ARHGAP28: variants seen among roughly 807,000 people sequenced by gnomAD.
ARHGAP28 encodes Rho GTPase activating protein 28.
ARHGAP28 carries 56 observed loss-of-function variants against 90.7 expected under a neutral mutation model. The observed-to-expected ratio is 0.62, with a 90% CI of 0.50 to 0.77. ARHGAP28 has a LOEUF of 0.77. Ranked by LOEUF, ARHGAP28 falls within the 30% of genes least tolerant of loss-of-function variation. The pLI is 0.00. For synonymous variants in ARHGAP28, 308 were observed against 323.3 expected (o/e 0.95, Z 0.51); for missense variants, 869 against 900.9 (o/e 0.96, Z 0.45).
intron 2 of ARHGAP28, among the ~76,000 whole-genome samples, chr18:6,829,000 T>C (rs1022945466): frequency 6.6e-6 from 1 of 152,216 alleles, no homozygotes; most frequent in African/African-American, 2.4e-5. Context: ...TGAGTCTCTT[T>C]CTCAGGACTA....
chr18:6,813,237 A>G (rs928940934), intron 1 of ARHGAP28, among the ~76,000 whole-genome samples: 1 of 152,220 alleles, frequency 6.6e-6, no homozygotes, highest in Non-Finnish European at 1.5e-5. Flanking sequence ...AAGAAACTCC[A>G]TGCATTCTAA....
intron 10 of ARHGAP28, among the ~76,000 whole-genome samples, chr18:6,877,385 C>A (rs1464395392): frequency 6.6e-6 from 1 of 152,212 alleles, no homozygotes; most frequent in Non-Finnish European, 1.5e-5. Flanking sequence ...AATTCCTAAC[C>A]ATGGAGGAGC....
At chr18:6,762,976 G>A (rs1380646257) in intron 1 of ARHGAP28, among the ~76,000 whole-genome samples, 1 of 152,158 alleles carries the variant, frequency 6.6e-6, no homozygotes, top group African/African-American at 2.4e-5. Context: ...TCTGGGCCAG[G>A]CCAGGTGCCC....
chr18:6,795,949 C>G (rs1361874438), intron 1 of ARHGAP28, among the ~76,000 whole-genome samples: 1 of 152,208 alleles, frequency 6.6e-6, no homozygotes, highest in Admixed American at 6.5e-5. Context: ...AACATTGGAA[C>G]CTAAATCAAA....
chr18:6,788,187 A>G (rs961588792), intron 1 of ARHGAP28, among the ~76,000 whole-genome samples: 5 of 152,086 alleles, frequency 3.3e-5, no homozygotes, highest in Non-Finnish European at 5.9e-5. Flanking sequence ...GTTACTGTAT[A>G]GTGAGTGAGT....
chr18:6,752,943 G>A (rs1199575549), intron 1 of ARHGAP28, among the ~76,000 whole-genome samples: 1 of 52,616 alleles, frequency 1.9e-5, no homozygotes, highest in East Asian at 9.3e-4. Context: ...CCCACTAATT[G>A]GCAATACTTT....
chr18:6,859,754 C>A, intron 4 of ARHGAP28, 54 bp from the exon 5 acceptor site: 1 of 1,521,228 alleles, frequency 6.6e-7, no homozygotes, highest in Non-Finnish European at 9.1e-7. Context: ...AATACACAAA[C>A]ACATTAGAAA....
intron 1 of ARHGAP28, among the ~76,000 whole-genome samples, chr18:6,787,383 A>G (rs1194794872): frequency 1.3e-5 from 2 of 151,998 alleles, no homozygotes; most frequent in Non-Finnish European, 2.9e-5. Context: ...ATAATATATC[A>G]TTTGCTTTCA....
At chr18:6,756,171 AG>A (rs1422623590) in intron 1 of ARHGAP28, among the ~76,000 whole-genome samples, 2 of 152,184 alleles carry the variant, frequency 1.3e-5, no homozygotes, top group Non-Finnish European at 2.9e-5. Flanking sequence ...CATTAAGTAA[AG>A]ACCTTAGAAT....
rs1361407782 is a variant in ARHGAP28 at position 6,913,303 on chromosome 18, T to C, written c.*1149T>C. 4 of 152,148 alleles carry C rather than the reference T, an allele frequency of 2.6e-5. No homozygotes were observed. Among genetic ancestry groups the C allele is most frequent in the African/African-American group, 4.8e-5 (2 of 41,430 alleles). 9.4% of individuals were successfully genotyped at this position (152,148 alleles called of 1,614,324 possible). The stretch of plus-strand genomic sequence containing the variant: ...GAACACATAGTCCCCACGTTTCTAA[T>C]TTGGAGCAAATCTAAAAGGTGCTGA... On this transcript the variant is annotated 3_prime_UTR_variant, in exon 18 of 18. Transcript: ENST00000383472.
At position 6,880,448 on chromosome 18, in the gene ARHGAP28, G is replaced by A. The variant is rs141809199; in HGVS notation, c.1291-1689G>A. On this transcript the variant is annotated intron_variant, in intron 10 of 17. Coordinates refer to ENST00000383472, the MANE Select transcript of ARHGAP28 (RefSeq NM_001366230.1). ...CCACCCGACCTATGCCAAGCTCCAC[G>A]CTCCCCCAAATCATTTTTCCATCTG... 3.6e-3 allele frequency among the ~76,000 whole-genome samples: 542 copies of A among 152,160 alleles called. 4 individuals carry two copies. Among genetic ancestry groups the A allele is most frequent in the African/African-American group, 0.012 (505 of 41,520 alleles).
intron 1 of ARHGAP28, among the ~76,000 whole-genome samples, chr18:6,801,444 T>C (rs1448397516): frequency 2.6e-5 from 4 of 152,224 alleles, no homozygotes; most frequent in African/African-American, 7.2e-5. Flanking sequence ...ATAAGTGTGC[T>C]GACTTTCTTC....
At chr18:6,841,213 CT>C (rs1567966934) in intron 3 of ARHGAP28, among the ~76,000 whole-genome samples, 12 of 125,736 alleles carry the variant, frequency 9.5e-5, no homozygotes, top group South Asian at 5.0e-4. Flanking sequence ...CCTCTCCTCT[CT>C]CTCTCTCTCC....
chr18:6,803,547 A>G (rs2056497676), intron 1 of ARHGAP28, among the ~76,000 whole-genome samples: 1 of 151,890 alleles, frequency 6.6e-6, no homozygotes, highest in Admixed American at 6.6e-5. Context: ...CTTCCTTTTC[A>G]TGTTATGTCT....
At chr18:6,824,734 T>G (rs1442956025) in intron 1 of ARHGAP28, 28 bp from the exon 2 acceptor site, 1 of 1,502,356 alleles carries the variant, frequency 6.7e-7, no homozygotes, top group Non-Finnish European at 8.8e-7. Flanking sequence ...TAACCCGTTT[T>G]TATTCATAGA....
chr18:6,841,288 T>C (rs2056825617), intron 3 of ARHGAP28, among the ~76,000 whole-genome samples: 1 of 142,346 alleles, frequency 7.0e-6, no homozygotes, highest in Admixed American at 7.0e-5. Flanking sequence ...TCCCTATTCC[T>C]TCTTATTCTT....
At chr18:6,837,815 G>T (rs1163956887) in intron 3 of ARHGAP28, among the ~76,000 whole-genome samples, 3 of 152,114 alleles carry the variant, frequency 2.0e-5, no homozygotes, top group African/African-American at 4.8e-5. Flanking sequence ...GTGGGGATGA[G>T]AGATTGGGTA....
At chr18:6,753,711 G>A (rs2056087556) in intron 1 of ARHGAP28, among the ~76,000 whole-genome samples, 1 of 152,196 alleles carries the variant, frequency 6.6e-6, no homozygotes, top group Non-Finnish European at 1.5e-5. Flanking sequence ...TGTTTTTAAA[G>A]TTTGAGTTCT....
At chr18:6,809,161 TC>T (rs2056539149) in intron 1 of ARHGAP28, among the ~76,000 whole-genome samples, 1 of 152,214 alleles carries the variant, frequency 6.6e-6, no homozygotes, top group Admixed American at 6.5e-5. Flanking sequence ...GTTTTCTTTC[TC>T]CCTGGCATCA....
Sources: allele counts gnomAD v4.1 joint callset (sites outside exome capture counted in the v4.1 genomes callset), GRCh38; gene constraint gnomAD v4.1.1; transcripts MANE v1.5; gene names NCBI Gene and HGNC (gene_info 2026-07-23, HGNC 2026-07-21).